Variants in RARS2 observed in about 807,000 individuals in gnomAD.
RARS2 encodes the protein probable arginine--tRNA ligase, mitochondrial.
A neutral mutation model predicts 88.5 loss-of-function variants in RARS2; 67 were observed. The ratio of observed to expected loss-of-function variants is 0.76; its 90% CI spans 0.62 to 0.93. The LOEUF is 0.93. RARS2 is among the 40% of genes least tolerant of loss of function. The probability of loss-of-function intolerance (pLI) is 0.00; values close to 1 mark genes in which losing one functional copy is unlikely to be tolerated. For missense variants in RARS2, 664 were observed against 684.2 expected (o/e 0.97, Z 0.33); for synonymous variants, 239 against 230.3 (o/e 1.04, Z -0.34).
chr6:87,570,209 T>G (rs1047906595), intron 1 of RARS2, among the ~76,000 whole-genome samples: 7 of 152,218 alleles, frequency 4.6e-5, no homozygotes, highest in African/African-American at 1.7e-4. Flanking sequence ...TCTCGCTATG[T>G]TGCCCAGGCT....
chr6:87,584,764 G>C, intron 1 of RARS2: 1 of 455,792 alleles, frequency 2.2e-6, no homozygotes, highest in South Asian at 1.6e-5. Context: ...CATATCTCAG[G>C]AAGCTAAGAG....
chr6:87,519,184 A>ATATGTG (rs1554173394), intron 14 of RARS2: 2 of 214,778 alleles, frequency 9.3e-6, no homozygotes, highest in African/African-American at 5.2e-5. Flanking sequence ...ATAAATATAT[A>ATATGTG]TGTGTGTGTG....
intron 4 of RARS2, among the ~76,000 whole-genome samples, chr6:87,560,683 G>A (rs1031028191): frequency 6.6e-6 from 1 of 152,196 alleles, no homozygotes; most frequent in South Asian, 2.1e-4. Flanking sequence ...TGGATTACCC[G>A]AGGCTGGGAG....
intron 8 of RARS2, among the ~76,000 whole-genome samples, chr6:87,536,647 A>G (rs1779276710): frequency 1.3e-5 from 2 of 151,982 alleles, no homozygotes; most frequent in Non-Finnish European, 2.9e-5. Flanking sequence ...GAAAAAAAAA[A>G]AAAGAAAGAA....
At position 87,515,012 on chromosome 6, in the gene RARS2, G is replaced by A. The variant is rs1186766733; in HGVS notation, c.1595C>T (p.Ala532Val). 6.2e-7 allele frequency: 1 copy of A among 1,612,348 alleles called. No homozygotes were observed. The highest frequency in any genetic ancestry group is 8.5e-7 in the Non-Finnish European group (1 of 1,178,506). The change falls in exon 19 of 20, where the codon GCA becomes GTA. Residue 532 changes from alanine to valine, a missense_variant. Physicochemically the swap from Ala to Val is moderately conservative, Grantham distance 64 (BLOSUM62 0). Coordinates refer to ENST00000369536, the MANE Select transcript of RARS2 (RefSeq NM_020320.5). ...VSYLLTLSHL[A>V]AVAHKTLQIK... Reference sequence around the variant, plus strand: ...TTGTAGTGTTTTGTGTGCCACAGCTGCAAGATGACTGAAACAGGAAGAGAG... The same window carrying A: ...TTGTAGTGTTTTGTGTGCCACAGCTACAAGATGACTGAAACAGGAAGAGAG...
intron 8 of RARS2, among the ~76,000 whole-genome samples, chr6:87,538,081 G>C (rs967758825): frequency 6.6e-6 from 1 of 152,162 alleles, no homozygotes; most frequent in African/African-American, 2.4e-5. Flanking sequence ...GTAATCCAAA[G>C]TGACAAATGT....
intron 5 of RARS2, among the ~76,000 whole-genome samples, chr6:87,554,610 C>T (rs1254107418): frequency 6.6e-6 from 1 of 152,092 alleles, no homozygotes; most frequent in Non-Finnish European, 1.5e-5. Flanking sequence ...GAGTGTGCCA[C>T]CATGCACAAC....
chr6:87,569,661 G>T, intron 1 of RARS2, 71 bp from the exon 2 acceptor site: 1 of 1,196,708 alleles, frequency 8.4e-7, no homozygotes. Context: ...AATACCACTT[G>T]TAAGAATAAA....
chr6:87,573,797 G>T (rs962075571), intron 1 of RARS2, among the ~76,000 whole-genome samples: 4 of 152,164 alleles, frequency 2.6e-5, no homozygotes, highest in African/African-American at 9.7e-5. Context: ...GAAAAGGAAG[G>T]AAAGTAATTA....
intron 5 of RARS2, among the ~76,000 whole-genome samples, chr6:87,552,994 T>C (rs1784820286): frequency 1.3e-5 from 2 of 152,110 alleles, no homozygotes; most frequent in African/African-American, 4.8e-5. Context: ...TGAATGAAAA[T>C]AATCAAAGAT....
chr6:87,548,537 T>A (rs1783319310), intron 6 of RARS2, 54 bp downstream of exon 6: 1 of 1,538,502 alleles, frequency 6.5e-7, no homozygotes, highest in African/African-American at 1.4e-5. Flanking sequence ...AATTGAACTA[T>A]CAAATACTTC....
rs573353472 is a variant in RARS2, at chr6:87,545,691, T to C, written c.460A>G (p.Ile154Val). ...CCTAAAGCTTCTTTGAGATTTGCTA[T>C]AAAATTTCCTAGTAATCAATAAAGT... ...HLRSTIIGNF[I>V]ANLKEALGHQ... is the part of the protein sequence containing the mutation. The change falls in exon 7 of 20, where the codon ATA becomes GTA. Residue 154 changes from isoleucine (I) to valine (V), a missense_variant. Coordinates refer to ENST00000369536, the MANE Select transcript of RARS2 (RefSeq NM_020320.5). 5.6e-6 allele frequency: 9 copies of C among 1,613,084 alleles called. No individual in the cohort carries two copies. Among genetic ancestry groups the C allele is most frequent in the East Asian group, 2.2e-5 (1 of 44,776 alleles).
At chr6:87,553,817 T>C (rs1409005192) in intron 5 of RARS2, among the ~76,000 whole-genome samples, 1 of 152,204 alleles carries the variant, frequency 6.6e-6, no homozygotes, top group African/African-American at 2.4e-5. Flanking sequence ...AAAATCATAA[T>C]TGTGGTGTAC....
intron 16 of RARS2, 165 bp from the exon 17 acceptor site, chr6:87,518,429 CTAAGA>C (rs1268760061): frequency 2.8e-6 from 4 of 1,444,416 alleles, no homozygotes; most frequent in African/African-American, 1.4e-5. Context: ...ATTCTGAGGA[CTAAGA>C]TAATACACAT....
At chr6:87,521,443 C>CT (rs2128016716) in intron 12 of RARS2, 21 bp downstream of exon 12, 1 of 1,559,396 alleles carries the variant, frequency 6.4e-7, no homozygotes, top group Non-Finnish European at 8.8e-7. Context: ...GAGATCATAA[C>CT]TTTTTGTTCT....
chr6:87,524,687 A>C lies in RARS2; in HGVS notation c.879-35T>G, dbSNP rs372727008. ...CGAAAAGGTAACTCTGAAGCAACAT[A>C]ATAAATTCAGACCTTTAAAATTTTA... On this transcript the variant is annotated intron_variant, in intron 10 of 19. Transcript: ENST00000369536. The C allele has an allele frequency of 2.8e-6, 4 of 1,444,092 alleles. No individual in the cohort carries two copies. The African/African-American group carries it at 5.6e-5, about 20-fold the overall frequency. 89.5% of individuals were successfully genotyped at this position (1,444,092 alleles called of 1,614,324 possible). A position where few individuals can be genotyped will look rare whatever the true frequency, so the allele number is the denominator to read the frequency against.
chr6:87,539,925 G>A (rs144747624), intron 8 of RARS2, among the ~76,000 whole-genome samples: 5 of 152,082 alleles, frequency 3.3e-5, no homozygotes, highest in African/African-American at 1.2e-4. Flanking sequence ...AATTATTCAA[G>A]TGTAAAAATA....
intron 8 of RARS2, among the ~76,000 whole-genome samples, chr6:87,532,496 G>A (rs1044235007): frequency 2.0e-5 from 3 of 152,202 alleles, no homozygotes; most frequent in African/African-American, 7.2e-5. Flanking sequence ...CTTGGACACA[G>A]GGTATCTAAT....
chr6:87,549,212 G>A (rs1038150251), intron 5 of RARS2, among the ~76,000 whole-genome samples: 2 of 151,610 alleles, frequency 1.3e-5, no homozygotes, highest in Non-Finnish European at 1.5e-5. Flanking sequence ...AAAAATTAGC[G>A]AGGTGTGGTG....
Sources: allele counts gnomAD v4.1 joint callset (sites outside exome capture counted in the v4.1 genomes callset), GRCh38; gene constraint gnomAD v4.1.1; transcripts MANE v1.5; gene names NCBI Gene and HGNC (gene_info 2026-07-23, HGNC 2026-07-21).